Variants in ZNF462 observed in about 807,000 individuals in gnomAD.
The protein encoded by ZNF462 is zinc finger PBX1-interacting protein.
In ZNF462, 10 loss-of-function variants were observed where a neutral mutation model predicts 201.9. The observed-to-expected ratio is 0.05, with a 90% confidence interval of 0.03 to 0.08. The LOEUF is 0.08. Among genes scored for constraint, ZNF462 ranks in the 10% least tolerant of loss-of-function variants. The pLI, the probability that ZNF462 is intolerant of heterozygous loss-of-function variation, is 1.00. For synonymous variants in ZNF462, 1,227 were observed against 1,193.3 expected (o/e 1.03, Z -0.58); for missense variants, 2,523 against 3,168.3 (o/e 0.80, Z 4.89).
At chr9:106,922,135 A>G (rs1830016418) in intron 1 of ZNF462, among the ~76,000 whole-genome samples, 1 of 152,188 alleles carries the variant, frequency 6.6e-6, no homozygotes, top group Non-Finnish European at 1.5e-5. Flanking sequence ...TTTTACAGTA[A>G]AAGTATAGAG....
intron 9 of ZNF462, chr9:106,979,619 T>A (rs1325825395): frequency 6.6e-6 from 1 of 151,028 alleles, no homozygotes; most frequent in Non-Finnish European, 1.5e-5. Context: ...CCATGAAGAG[T>A]CAGGCAAGGT....
At position 106,890,573 on chromosome 9, in the gene ZNF462, C is replaced by T. The variant is rs937726267; in HGVS notation, c.-31+27218C>T. The stretch of plus-strand genomic sequence containing the variant: ...CATTTGTAGTGAGAAACATTTGAAG[C>T]TTGTCCCCACTCAACAATGATGATG... On this transcript the variant is annotated intron_variant, in intron 1 of 12. Transcript: ENST00000277225. The surrounding 1 kb of genome is among the most constrained non-coding windows in gnomAD (Gnocchi z 4.2). Among the ~76,000 whole-genome samples, 1 of 152,204 alleles carries T rather than the reference C, an allele frequency of 6.6e-6. No homozygotes were observed. Among genetic ancestry groups the T allele is most frequent in the African/African-American group, 2.4e-5 (1 of 41,458 alleles).
chr9:106,953,778 G>A (rs537526188), intron 7 of ZNF462, among the ~76,000 whole-genome samples: 2 of 152,062 alleles, frequency 1.3e-5, no homozygotes, highest in Non-Finnish European at 2.9e-5. Context: ...CCACCTGCGG[G>A]TCTCATTCAA....
At chr9:106,940,965 C>G (rs368335334) in intron 7 of ZNF462, among the ~76,000 whole-genome samples, 5 of 152,170 alleles carry the variant, frequency 3.3e-5, no homozygotes, top group East Asian at 1.9e-4. Flanking sequence ...TTTCATCTGA[C>G]ATGGAAGCTA....
Position 106,924,298 on chromosome 9 carries a change from A to G in ZNF462, c.386A>G (p.Lys129Arg), listed in dbSNP as rs1228860244. The change falls in exon 3 of 13, where the codon AAG (lysine) becomes AGG (arginine). Residue 129 changes from lysine to arginine, a missense_variant. Lys to Arg is a conservative substitution (Grantham distance 26). Around this residue, in one of 15 missense-constraint regions of ZNF462, gnomAD observed 480 missense variants for 544.4 expected, o/e 0.88. Coordinates refer to ENST00000277225, the MANE Select transcript of ZNF462 (RefSeq NM_021224.6). The surrounding 1 kb of genome is among the most constrained non-coding windows in gnomAD (Gnocchi z 6.2). ...AACCTCCTCATAGAACACACTAGAAAGGTCCATGGAGCTCAAGCTGAAGGG... is the reference window on the plus strand; with the variant it reads ...AACCTCCTCATAGAACACACTAGAAGGGTCCATGGAGCTCAAGCTGAAGGG... ...SKNLLIEHTR[K>R]VHGAQAEGSS... 1.7e-5 allele frequency: 28 copies of G among 1,614,150 alleles called. No individual in the cohort carries two copies. The highest frequency in any genetic ancestry group is 2.3e-5 in the Non-Finnish European group (27 of 1,180,032).
At chr9:106,934,743 T>C (rs530280443) in intron 5 of ZNF462, among the ~76,000 whole-genome samples, 1 of 152,318 alleles carries the variant, frequency 6.6e-6, no homozygotes, top group South Asian at 2.1e-4. Flanking sequence ...TGATACAAAT[T>C]AGAACTTCCC....
intron 7 of ZNF462, among the ~76,000 whole-genome samples, chr9:106,967,617 G>A (rs368912161): frequency 9.9e-5 from 15 of 152,108 alleles, no homozygotes; most frequent in African/African-American, 3.6e-4. Flanking sequence ...CAAGAGCCAC[G>A]AAAAAGCACC....
chr9:106,981,337 C>T lies in ZNF462; in HGVS notation c.6833-2849C>T, dbSNP rs954849763. ...TATGAATGAAAGGCTTATAAGCACA[C>T]ACATACAGACTGGAGAGTTCTTATC... On this transcript the variant is annotated intron_variant, in intron 9 of 12. Coordinates refer to ENST00000277225, the MANE Select transcript of ZNF462 (RefSeq NM_021224.6). The surrounding 1 kb of genome is among the most constrained non-coding windows in gnomAD (Gnocchi z 4.0). Among the ~76,000 whole-genome samples the T allele has an allele frequency of 6.6e-6, 1 of 152,186 alleles. No individual in the cohort carries two copies. Among genetic ancestry groups the T allele is most frequent in the Admixed American group, 6.5e-5 (1 of 15,278 alleles).
At chr9:107,000,497 G>T (rs1829103534) in intron 10 of ZNF462, among the ~76,000 whole-genome samples, 2 of 151,954 alleles carry the variant, frequency 1.3e-5, no homozygotes. Flanking sequence ...TTTGTGTTAG[G>T]ATTAATATTT....
Position 106,963,676 on chromosome 9 carries a change from A to G in ZNF462, c.6428-8329A>G, listed in dbSNP as rs1333590379. ...GATCTTGTCTAAAGGCACCTAAAAA[A>G]ATTACTGCAGTAAAAACCATATAAC... On this transcript the variant is annotated intron_variant, in intron 7 of 12. Coordinates refer to ENST00000277225, the MANE Select transcript of ZNF462 (RefSeq NM_021224.6). The surrounding 1 kb of genome is among the most constrained non-coding windows in gnomAD (Gnocchi z 4.7). Among the ~76,000 whole-genome samples, 2 of 152,100 alleles carry G rather than the reference A, an allele frequency of 1.3e-5. No individual in the cohort carries two copies. The highest frequency in any genetic ancestry group is 2.9e-5 in the Non-Finnish European group (2 of 67,976).
At chr9:106,971,538 A>G (rs1826614114) in intron 7 of ZNF462, among the ~76,000 whole-genome samples, 1 of 151,706 alleles carries the variant, frequency 6.6e-6, no homozygotes, top group African/African-American at 2.4e-5. Context: ...GTGTTGTAGA[A>G]TGTAAATGAA....
Position 106,919,996 on chromosome 9 carries a change from A to G in ZNF462, c.-30-3358A>G, listed in dbSNP as rs557860879. Among the ~76,000 whole-genome samples the G allele has an allele frequency of 3.3e-4, 50 of 152,328 alleles. No individual in the cohort carries two copies. The highest frequency in any genetic ancestry group is 6.6e-4 in the Non-Finnish European group (45 of 68,034). ...AAAAAATATTGCTAATTTCATAATC[A>G]TAGTATTATTAAATGAAGTCAATAG... On this transcript the variant is annotated intron_variant, in intron 1 of 12. Coordinates refer to ENST00000277225, the MANE Select transcript of ZNF462 (RefSeq NM_021224.6). The surrounding 1 kb of genome is among the most constrained non-coding windows in gnomAD (Gnocchi z 4.5).
rs1284695900 is a variant in ZNF462, at chr9:106,929,643, TTGAACA to T, written c.5733_5738del (p.Leu1911_Ile1913delinsPhe). 1.2e-6 allele frequency: 2 copies of T among 1,614,032 alleles called. No individual in the cohort carries two copies. The highest frequency in any genetic ancestry group is 3.3e-5 in the Admixed American group (2 of 60,000). ...AAGCACAGCCGAGCTGACCTCACAC[TTGAACA>T]TTCACAATGAGGAATTCCAGAAGCG... is the stretch of plus-strand genomic sequence containing the variant. On this transcript the variant is annotated inframe_deletion, in exon 3 of 13. Transcript: ENST00000277225. This position sits in a 1 kb window ranked among gnomAD's most constrained non-coding sequence, Gnocchi z 8.7.
chr9:106,884,150 T>C (rs1828219655), intron 1 of ZNF462, among the ~76,000 whole-genome samples: 1 of 152,182 alleles, frequency 6.6e-6, no homozygotes, highest in African/African-American at 2.4e-5. Context: ...TTATTAAAAA[T>C]AGACTTTCAG....
chr9:106,924,893 C>A lies in ZNF462; in HGVS notation c.981C>A (p.Ser327=), dbSNP rs1346407154. The A allele has an allele frequency of 3.1e-6, 5 of 1,614,198 alleles. No individual in the cohort carries two copies. Among genetic ancestry groups the A allele is most frequent in the Non-Finnish European group, 4.2e-6 (5 of 1,180,046 alleles). The part of the protein sequence containing the change: ...VSNFRGSMGN[S]IMRPNSSASK... ...ACTTCAGGGGCTCCATGGGCAACTC[C>A]ATCATGAGACCCAATTCTTCAGCTT... Residue 327 remains serine, a synonymous_variant, in exon 3 of 13, where the codon TCC becomes TCA. Transcript: ENST00000277225. The surrounding 1 kb of genome is among the most constrained non-coding windows in gnomAD (Gnocchi z 6.2).
At chr9:106,945,789 C>CAGTGGAGCAA (rs2131700683) in intron 7 of ZNF462, among the ~76,000 whole-genome samples, 1 of 152,284 alleles carries the variant, frequency 6.6e-6, no homozygotes, top group African/African-American at 2.4e-5. Context: ...TCTGCAACTT[C>CAGTGGAGCAA]AGTGGAGCAA....
At chr9:106,988,542 A>G (rs1237718543) in intron 10 of ZNF462, among the ~76,000 whole-genome samples, 2 of 152,152 alleles carry the variant, frequency 1.3e-5, no homozygotes, top group African/African-American at 4.8e-5. Flanking sequence ...GTTCCATTTG[A>G]ACTTTAGAAT....
At chr9:106,878,407 AGTTGTG>A (rs1331320794) in intron 1 of ZNF462, among the ~76,000 whole-genome samples, 10 of 152,220 alleles carry the variant, frequency 6.6e-5, no homozygotes, top group African/African-American at 2.4e-4. Context: ...CTTAGTTAGC[AGTTGTG>A]GGATGATAGA....
rs1390675618 is a variant in ZNF462 at position 106,928,592 on chromosome 9, G to A, written c.4680G>A (p.Gln1560=). 6.2e-7 allele frequency: 1 copy of A among 1,614,118 alleles called. No homozygotes were observed. The highest frequency in any genetic ancestry group is 1.7e-5 in the Admixed American group (1 of 60,020). The change falls in exon 3 of 13, where the codon CAG becomes CAA. Residue 1560 remains glutamine, a synonymous_variant. Transcript: ENST00000277225. The surrounding 1 kb of genome is among the most constrained non-coding windows in gnomAD (Gnocchi z 9.3). Reference sequence around the variant, plus strand: ...TAGAGCAGTCTGCTGACATATCCCAGAATGACGTGGAGGAGACGAGCAGGA... The same window carrying A: ...TAGAGCAGTCTGCTGACATATCCCAAAATGACGTGGAGGAGACGAGCAGGA... ...HDVEQSADIS[Q]NDVEETSRIF...
Sources: allele counts gnomAD v4.1 joint callset (sites outside exome capture counted in the v4.1 genomes callset), GRCh38; gene constraint gnomAD v4.1.1; regional missense constraint gnomAD v4.1.1; non-coding constraint Gnocchi (gnomAD v3.1); transcripts MANE v1.5; gene names NCBI Gene and HGNC (gene_info 2026-07-23, HGNC 2026-07-21).